ARFGAP2: variants seen among roughly 807,000 people sequenced by gnomAD.
The protein encoded by ARFGAP2 is ARF GTPase activating protein 2, also known as ADP-ribosylation factor GTPase-activating protein 2.
ARFGAP2 carries 45 observed loss-of-function variants against 71.9 expected under a neutral mutation model. The ratio of observed to expected loss-of-function variants is 0.63; its 90% CI spans 0.49 to 0.80. The LOEUF (loss-of-function observed/expected upper bound fraction) is 0.80. Among genes scored for constraint, ARFGAP2 ranks in the 30% least tolerant of loss-of-function variants. The pLI, the probability that ARFGAP2 is intolerant of heterozygous loss-of-function variation, is 0.00. For missense variants in ARFGAP2, 633 were observed against 673.9 expected (o/e 0.94, Z 0.67); for synonymous variants, 248 against 249.2 (o/e 1.00, Z 0.05).
chr11:47,176,027 A>G (rs1952801199), intron 2 of ARFGAP2, 104 bp from the exon 3 acceptor site: 1 of 1,153,434 alleles, frequency 8.7e-7, no homozygotes, highest in African/African-American at 1.5e-5. Flanking sequence ...GGCACCCAGG[A>G]AACATTAATC....
At position 47,165,125 on chromosome 11, in the gene ARFGAP2, G is replaced by A. The variant is rs770952497; in HGVS notation, c.*357C>T. ...CAGCAAAAAAAGCCTTCTACCTTCC[G>A]CTTTCCCTACCTGGGGAAAGTCTGG... On this transcript the variant is annotated 3_prime_UTR_variant, in exon 16 of 16. Transcript: ENST00000524782. 26 of 289,544 alleles carry A rather than the reference G, an allele frequency of 9.0e-5. No homozygotes were observed. Among genetic ancestry groups the A allele is most frequent in the Middle Eastern group, 9.4e-4 (1 of 1,060 alleles). The allele number at this position is 289,544 out of a possible 1,614,324, so 17.9% of individuals were successfully genotyped here. A position where few individuals can be genotyped will look rare whatever the true frequency, so the allele number is the denominator to read the frequency against.
chr11:47,171,328 G>A, intron 10 of ARFGAP2, 98 bp downstream of exon 10: 1 of 1,545,300 alleles, frequency 6.5e-7, no homozygotes. Flanking sequence ...CAGACTTGGA[G>A]AAACAATAAG....
chr11:47,173,227 A>G (rs1952667658), intron 7 of ARFGAP2, 199 bp downstream of exon 7: 12 of 675,180 alleles, frequency 1.8e-5, no homozygotes, highest in Middle Eastern at 2.5e-4. Flanking sequence ...GCCCACCCAG[A>G]TTCATCAATT....
intron 5 of ARFGAP2, chr11:47,174,719 G>A (rs1363977070): frequency 3.2e-5 from 11 of 340,068 alleles, no homozygotes; most frequent in Non-Finnish European, 4.4e-5. Flanking sequence ...TATAGGGGAA[G>A]AATCCAGGAA....
intron 6 of ARFGAP2, 132 bp from the exon 7 acceptor site, chr11:47,173,614 T>C (rs1952680503): frequency 5.0e-6 from 7 of 1,402,200 alleles, no homozygotes; most frequent in Admixed American, 4.9e-5. Context: ...TATCTACCAC[T>C]TCCTCCAAGG....
At chr11:47,176,404 G>A (rs1378218893) in intron 2 of ARFGAP2, 112 bp downstream of exon 2, 1 of 1,081,828 alleles carries the variant, frequency 9.2e-7, no homozygotes, top group African/African-American at 1.6e-5. Context: ...TCTCGGCCCA[G>A]AGGCTTCCCA....
chr11:47,165,023 C>A lies in ARFGAP2; in HGVS notation c.*459G>T. On this transcript the variant is annotated 3_prime_UTR_variant, in exon 16 of 16. Transcript: ENST00000524782. ...CCTCTTTCCCCATGGGACGGGTCTA[C>A]AGTGAACTCCTTCCAGGCCTCCCCC... is the stretch of plus-strand genomic sequence containing the variant. The A allele has an allele frequency of 6.2e-6, 1 of 160,604 alleles. No individual in the cohort carries two copies. The highest frequency in any genetic ancestry group is 1.4e-5 in the Non-Finnish European group (1 of 73,928). The allele number at this position is 160,604 out of a possible 1,614,324, so 9.9% of individuals were successfully genotyped here.
intron 5 of ARFGAP2, 104 bp from the exon 6 acceptor site, chr11:47,173,944 C>T: frequency 6.5e-7 from 1 of 1,533,686 alleles, no homozygotes; most frequent in Non-Finnish European, 8.8e-7. Context: ...TACTCCAAAC[C>T]CATGAGGAAA....
At chr11:47,168,769 C>T (rs1952487154) in intron 10 of ARFGAP2, among the ~76,000 whole-genome samples, 2 of 152,078 alleles carry the variant, frequency 1.3e-5, no homozygotes, top group Admixed American at 1.3e-4. Context: ...ACAATCCACC[C>T]GCCTTGGCCT....
rs1005555836 is a variant in ARFGAP2 at position 47,175,182 on chromosome 11, A to G, written c.396T>C (p.Asp132=). ...CCCAGCCCCAAGAACAGGCACTTAC[A>G]TCAGTGCCATGCCTAGCCAGGGCCG... ...GSAALARHGT[D]LWIDNMSSAV... The change falls in exon 4 of 16, where the codon GAT becomes GAC. Residue 132 remains aspartate, a splice_region_variant and synonymous_variant. Coordinates refer to ENST00000524782, the MANE Select transcript of ARFGAP2 (RefSeq NM_032389.6). 9 of 1,614,158 alleles carry G rather than the reference A, an allele frequency of 5.6e-6. No homozygotes were observed. The highest frequency in any genetic ancestry group is 6.8e-6 in the Non-Finnish European group (8 of 1,180,002).
intron 7 of ARFGAP2, 52 bp downstream of exon 7, chr11:47,173,374 T>G: frequency 1.3e-6 from 2 of 1,545,588 alleles, no homozygotes; most frequent in Non-Finnish European, 8.8e-7. Context: ...AAAAGAACAT[T>G]TGAGGTCCAC....
rs1482791394 is a variant in ARFGAP2, at chr11:47,176,795, A to T, written c.59T>A (p.Val20Asp). Residue 20 changes from valine to aspartate, a missense_variant, in exon 1 of 16, where the codon GTT becomes GAT. Physicochemically the swap from Val to Asp is radical, Grantham distance 152. Coordinates refer to ENST00000524782, the MANE Select transcript of ARFGAP2 (RefSeq NM_032389.6). ...CTGCTCACGCACCTTGTTGGTTGGAACTGCGCGAAGCCTCTTAAAAAGAGT... is the reference window on the plus strand; with the variant it reads ...CTGCTCACGCACCTTGTTGGTTGGATCTGCGCGAAGCCTCTTAAAAAGAGT... The part of the protein sequence containing the change: ...IQTLFKRLRA[V>D]PTNKACFDCG... The T allele has an allele frequency of 1.9e-6, 3 of 1,614,066 alleles. No homozygotes were observed. Among genetic ancestry groups the T allele is most frequent in the Admixed American group, 3.3e-5 (2 of 60,024 alleles).
chr11:47,166,125 G>T, intron 15 of ARFGAP2, 143 bp downstream of exon 15: 1 of 795,908 alleles, frequency 1.3e-6, no homozygotes, highest in Non-Finnish European at 2.1e-6. Context: ...CAGCCTCCCA[G>T]TGCTGGGATT....
In ARFGAP2 at chr11:47,171,511, T is replaced by TA; in HGVS notation, c.855dup (p.Lys286Ter). 6.2e-7 allele frequency: 1 copy of TA among 1,614,192 alleles called. No individual in the cohort carries two copies. Among genetic ancestry groups the TA allele is most frequent in the Non-Finnish European group, 8.5e-7 (1 of 1,180,036 alleles). On this transcript the variant is annotated frameshift_variant, in exon 10 of 16. Transcript: ENST00000524782. LOFTEE classifies it high-confidence loss of function. ...TTCTGTAGCTTCTTTTCCTCTTTCT[T>TA]ACGATCAATCTGGAGCTCCTGGTAG...
At chr11:47,176,745 C>T (rs1446599574) in intron 1 of ARFGAP2, 37 bp downstream of exon 1, 1 of 1,612,906 alleles carries the variant, frequency 6.2e-7, no homozygotes, top group Admixed American at 1.7e-5. Context: ...CAGGCCCCAG[C>T]GGGACGAGAG....
intron 5 of ARFGAP2, 125 bp downstream of exon 5, chr11:47,174,890 A>G (rs545181119): frequency 2.0e-6 from 2 of 998,106 alleles, no homozygotes; most frequent in Non-Finnish European, 3.1e-6. Context: ...AGTGGACTTC[A>G]TACGTGGTGT....
chr11:47,176,179 C>T (rs148742519), intron 2 of ARFGAP2: 6 of 592,182 alleles, frequency 1.0e-5, no homozygotes, highest in Non-Finnish European at 1.8e-5. Flanking sequence ...TTGGCTTTCC[C>T]CTAATGGATG....
intron 10 of ARFGAP2, chr11:47,169,402 G>A (rs1352146306): frequency 6.6e-6 from 1 of 152,104 alleles, no homozygotes; most frequent in South Asian, 2.1e-4. Context: ...AAAGAAAAGG[G>A]GTCTAGGGTT....
intron 2 of ARFGAP2, 153 bp from the exon 3 acceptor site, chr11:47,176,076 A>G (rs1952803197): frequency 2.9e-6 from 2 of 692,328 alleles, no homozygotes; most frequent in Non-Finnish European, 5.0e-6. Context: ...CCTGTCCATG[A>G]AAACTCTCCT....
Sources: allele counts gnomAD v4.1 joint callset (sites outside exome capture counted in the v4.1 genomes callset), GRCh38; gene constraint gnomAD v4.1.1; transcripts MANE v1.5; gene names NCBI Gene and HGNC (gene_info 2026-07-23, HGNC 2026-07-21).